LPCAT1: variants seen among roughly 807,000 people sequenced by gnomAD.
The protein encoded by LPCAT1 is lysophosphatidylcholine acyltransferase 1.
LPCAT1 carries 23 observed loss-of-function variants against 60.9 expected under a neutral mutation model. The ratio of observed to expected loss-of-function variants is 0.38; its 90% confidence interval spans 0.27 to 0.53. The LOEUF (loss-of-function observed/expected upper bound fraction) is 0.53. Among genes scored for constraint, LPCAT1 ranks in the 20% least tolerant of loss-of-function variants. The pLI is 0.82. For synonymous variants in LPCAT1, 340 were observed against 301.1 expected (o/e 1.13, Z -1.34); for missense variants, 622 against 723.6 (o/e 0.86, Z 1.61).
intron 3 of LPCAT1, among the ~76,000 whole-genome samples, chr5:1,492,932 G>T (rs938388063): frequency 1.3e-5 from 2 of 152,250 alleles, no homozygotes; most frequent in Non-Finnish European, 2.9e-5. Flanking sequence ...CTGAGCAGAT[G>T]ACGAACGACC....
At chr5:1,497,421 G>C (rs1283419527) in intron 2 of LPCAT1, among the ~76,000 whole-genome samples, 1 of 152,250 alleles carries the variant, frequency 6.6e-6, no homozygotes, top group Non-Finnish European at 1.5e-5. Flanking sequence ...GCTGTGAGCA[G>C]AGGCAAGAGG....
At position 1,477,405 on chromosome 5, in the gene LPCAT1, C is replaced by A; in HGVS notation, c.898G>T (p.Glu300Ter). ...YASNVRRVMA[E>*]ALGVSVTDYT... ...TGGGGGAAGGAGCTGCTCACTTACT[C>A]GGCCATGACTCGCCGCACGTTGCTG... Residue 300 changes from glutamate to a stop codon, truncating the protein, a stop_gained and splice_region_variant, in exon 9 of 14, where the codon GAG becomes TAG. Transcript: ENST00000283415. LOFTEE classifies it high-confidence loss of function. The surrounding 1 kb of genome is among the most constrained non-coding windows in gnomAD (Gnocchi z 6.0). 6.2e-7 allele frequency: 1 copy of A among 1,613,636 alleles called. No homozygotes were observed. Among genetic ancestry groups the A allele is most frequent in the Non-Finnish European group, 8.5e-7 (1 of 1,179,670 alleles).
At position 1,474,570 on chromosome 5, in the gene LPCAT1, G is replaced by A. The variant is rs1015784961; in HGVS notation, c.1015C>T (p.Arg339Trp). 2.5e-6 allele frequency: 4 copies of A among 1,613,760 alleles called. No homozygotes were observed. The highest frequency in any genetic ancestry group is 1.3e-5 in the African/African-American group (1 of 74,948). ...TCLLEFARLV[R>W]GLGLKPEKLE... ...GAACCAGGTACTCACCCGAGGCCCC[G>A]CACGAGCCTGGCAAATTCTAAAAGG... is the stretch of plus-strand genomic sequence containing the variant. Residue 339 changes from arginine (R) to tryptophan (W), a missense_variant, in exon 10 of 14, where the codon CGG becomes TGG. Physicochemically the swap from Arg to Trp is moderately radical, Grantham distance 101. Around this residue, in one of 3 missense-constraint regions of LPCAT1, gnomAD observed 288 missense variants for 283.6 expected, o/e 1.02. Transcript: ENST00000283415.
chr5:1,480,666 G>A lies in LPCAT1; in HGVS notation c.761+276C>T, dbSNP rs1461711314. 6.6e-6 allele frequency among the ~76,000 whole-genome samples: 1 copy of A among 152,148 alleles called. No individual in the cohort carries two copies. Among genetic ancestry groups the A allele is most frequent in the Non-Finnish European group, 1.5e-5 (1 of 68,034 alleles). ...ACCAGGGGCCACCAGGTGGACGATC[G>A]TAATTACTGAGCTGGCAAACTCGAG... On this transcript the variant is annotated intron_variant, in intron 7 of 13. Transcript: ENST00000283415. This position sits in a 1 kb window ranked among gnomAD's most constrained non-coding sequence, Gnocchi z 6.4.
At chr5:1,506,783 G>A (rs541458602) in intron 1 of LPCAT1, among the ~76,000 whole-genome samples, 32 of 152,342 alleles carry the variant, frequency 2.1e-4, no homozygotes, top group South Asian at 1.5e-3. Context: ...TGGAGGCACC[G>A]GGCACAGCCA....
chr5:1,478,042 G>A (rs2072859915), intron 8 of LPCAT1, among the ~76,000 whole-genome samples: 2 of 152,380 alleles, frequency 1.3e-5, no homozygotes, highest in Middle Eastern at 6.8e-3. Context: ...AGGGGCTTAC[G>A]CCCATTTCTG....
At chr5:1,468,401 C>T (rs774616796) in intron 12 of LPCAT1, among the ~76,000 whole-genome samples, 2 of 152,376 alleles carry the variant, frequency 1.3e-5, no homozygotes, top group South Asian at 2.1e-4. Context: ...TCCAGCTCCT[C>T]GGCCGACCTG....
intron 1 of LPCAT1, among the ~76,000 whole-genome samples, chr5:1,515,718 A>G (rs1251562882): frequency 6.6e-6 from 1 of 151,862 alleles, no homozygotes; most frequent in Admixed American, 6.6e-5. Flanking sequence ...CCTGCTCCAC[A>G]CTACGGGCAA....
chr5:1,485,068 G>A (rs1368524180), intron 5 of LPCAT1, among the ~76,000 whole-genome samples: 1 of 152,200 alleles, frequency 6.6e-6, no homozygotes, highest in African/African-American at 2.4e-5. Flanking sequence ...CCGAGCCCAG[G>A]AGCTCGCGTG....
At chr5:1,474,994 T>C (rs967785245) in intron 9 of LPCAT1, among the ~76,000 whole-genome samples, 3 of 152,190 alleles carry the variant, frequency 2.0e-5, no homozygotes, top group Non-Finnish European at 4.4e-5. Context: ...AGTGAGCTCA[T>C]GGTGCGAGAA....
chr5:1,501,519 C>T lies in LPCAT1; in HGVS notation c.220G>A (p.Val74Ile). ...TTCTCCGCAGAGCCCAGGGATGCGA[C>T]AAGTGCGAGGGGCCAGGCCAGCAGC... Reference protein sequence around the residue: ...MMLLAWPLALVASLGSAEKEP... With the variant: ...MMLLAWPLALIASLGSAEKEP... Residue 74 changes from valine to isoleucine, a missense_variant, in exon 2 of 14, where the codon GTC becomes ATC. Physicochemically the swap from Val to Ile is conservative, Grantham distance 29. Coordinates refer to ENST00000283415, the MANE Select transcript of LPCAT1 (RefSeq NM_024830.5). The T allele has an allele frequency of 1.2e-6, 2 of 1,613,918 alleles. No homozygotes were observed. Among genetic ancestry groups the T allele is most frequent in the South Asian group, 1.1e-5 (1 of 91,086 alleles).
chr5:1,491,398 T>G (rs1239631971), intron 3 of LPCAT1, among the ~76,000 whole-genome samples: 4 of 151,816 alleles, frequency 2.6e-5, no homozygotes, highest in African/African-American at 9.7e-5. Flanking sequence ...CTGGTTTGTT[T>G]TGTGAACAGA....
At position 1,501,361 on chromosome 5, in the gene LPCAT1, G is replaced by T. The variant is rs996967176; in HGVS notation, c.278+100C>A. 3.6e-5 allele frequency: 52 copies of T among 1,450,234 alleles called. No individual in the cohort carries two copies. The African/African-American group carries it at 6.2e-4, about 17-fold the overall frequency. The allele number at this position is 1,450,234 out of a possible 1,614,324, so 89.8% of individuals were successfully genotyped here. A position where few individuals can be genotyped will look rare whatever the true frequency, so the allele number is the denominator to read the frequency against. The stretch of plus-strand genomic sequence containing the variant: ...GGGCTCAGAAGGGAAGGACAGATGG[G>T]CTAGGGTGGAGACACACAACCCCAC... On this transcript the variant is annotated intron_variant, in intron 2 of 13. Transcript: ENST00000283415.
At chr5:1,464,431 C>T (rs1207762404) in intron 13 of LPCAT1, among the ~76,000 whole-genome samples, 1 of 152,182 alleles carries the variant, frequency 6.6e-6, no homozygotes, top group Non-Finnish European at 1.5e-5. Flanking sequence ...GGCCACCCGG[C>T]GAGAAATCCA....
chr5:1,516,319 C>G (rs538873017), intron 1 of LPCAT1, among the ~76,000 whole-genome samples: 1 of 152,212 alleles, frequency 6.6e-6, no homozygotes, highest in Non-Finnish European at 1.5e-5. Flanking sequence ...GAGGATGTCA[C>G]AATGATGATT....
chr5:1,479,224 A>G (rs1432332643), intron 8 of LPCAT1, among the ~76,000 whole-genome samples: 1 of 152,184 alleles, frequency 6.6e-6, no homozygotes, highest in Non-Finnish European at 1.5e-5. Flanking sequence ...AGTGAGACCC[A>G]TCTCTACAAA....
chr5:1,472,835 C>T (rs1178958950), intron 11 of LPCAT1, among the ~76,000 whole-genome samples: 1 of 152,050 alleles, frequency 6.6e-6, no homozygotes, highest in African/African-American at 2.4e-5. Context: ...GCATCCGAGA[C>T]ACTGTTTCCA....
chr5:1,494,563 G>A, intron 3 of LPCAT1, 137 bp downstream of exon 3: 1 of 765,546 alleles, frequency 1.3e-6, no homozygotes, highest in Non-Finnish European at 2.1e-6. Flanking sequence ...CAGCAACAGA[G>A]GGGGTCTCAC....
chr5:1,517,599 A>C (rs2962062), intron 1 of LPCAT1, among the ~76,000 whole-genome samples: 69,463 of 151,922 alleles, frequency 0.46, 15,911 homozygotes, highest in Middle Eastern at 0.59. Flanking sequence ...CCGGCTCCTG[A>C]AGCAGGGCTC....
Sources: allele counts gnomAD v4.1 joint callset (sites outside exome capture counted in the v4.1 genomes callset), GRCh38; gene constraint gnomAD v4.1.1; regional missense constraint gnomAD v4.1.1; non-coding constraint Gnocchi (gnomAD v3.1); transcripts MANE v1.5; gene names NCBI Gene and HGNC (gene_info 2026-07-23, HGNC 2026-07-21).